The following EPB41 variants were observed in gnomAD, a reference collection of about 807,000 sequenced individuals.
The protein encoded by EPB41 is erythrocyte membrane protein band 4.1.
EPB41 carries 65 observed loss-of-function variants against 108.0 expected under a neutral mutation model. The ratio of observed to expected loss-of-function variants is 0.60; its 90% CI spans 0.49 to 0.74. The LOEUF (loss-of-function observed/expected upper bound fraction) is 0.74, where lower values mean the gene tolerates loss of function less well. Among genes scored for constraint, EPB41 ranks in the 30% least tolerant of loss-of-function variants. The probability of loss-of-function intolerance (pLI) is 0.00; values close to 1 mark genes in which losing one functional copy is unlikely to be tolerated. For missense variants in EPB41, 875 were observed against 1,037.0 expected, an observed-to-expected ratio of 0.84 and a Z score of 2.15; for synonymous variants, 336 against 358.9, an observed-to-expected ratio of 0.94 and a Z score of 0.72.
In EPB41 at chr1:29,000,830, G is replaced by GT. The variant is rs1054624883; in HGVS notation, c.786+3523dup. Among the ~76,000 whole-genome samples the GT allele has an allele frequency of 2.2e-3, 325 of 144,836 alleles. 1 individual carries two copies. The highest frequency in any genetic ancestry group is 4.5e-3 in the African/African-American group (178 of 39,714). The stretch of plus-strand genomic sequence containing the variant: ...CAGAAGTAAGTCAAAACAGAGTGTT[G>GT]TTTTTTTTTTTTAATTTTTATTTTT... On this transcript the variant is annotated intron_variant, in intron 4 of 20. Transcript: ENST00000343067.
intron 7 of EPB41, among the ~76,000 whole-genome samples, chr1:29,019,657 C>T (rs1002754490): frequency 3.3e-5 from 5 of 152,146 alleles, no homozygotes; most frequent in African/African-American, 7.2e-5. Flanking sequence ...AGAGTGGTGT[C>T]GGTAGGCTTG....
chr1:28,940,865 C>A (rs1035287084), intron 1 of EPB41, among the ~76,000 whole-genome samples: 3 of 152,018 alleles, frequency 2.0e-5, no homozygotes, highest in Non-Finnish European at 4.4e-5. Flanking sequence ...ATTAGGATAT[C>A]CATTGTGTTG....
At chr1:29,058,692 G>GT (rs773130501) in intron 13 of EPB41, 47 bp downstream of exon 13, 3 of 1,591,136 alleles carry the variant, frequency 1.9e-6, no homozygotes, top group Non-Finnish European at 2.6e-6. Flanking sequence ...CACCCCCTCA[G>GT]TTTTTTTCTT....
intron 1 of EPB41, among the ~76,000 whole-genome samples, chr1:28,949,903 C>T (rs975034462): frequency 6.6e-6 from 1 of 152,072 alleles, no homozygotes; most frequent in Non-Finnish European, 1.5e-5. Context: ...TGCCTGGCCC[C>T]ACTCTGTTAT....
In EPB41 at chr1:28,987,862, AC is replaced by A; in HGVS notation, c.428del (p.Pro143HisfsTer8). The A allele has an allele frequency of 6.2e-7, 1 of 1,614,164 alleles. No homozygotes were observed. The highest frequency in any genetic ancestry group is 8.5e-7 in the Non-Finnish European group (1 of 1,180,028). ...GCTCCTGAACCGGAACTCAAAACAG[AC>A]CCATCTTTGGATCTTCATTCATTAA... ...IAAPEPELKTDPSLDLHSLSS... is the reference protein window; with the variant it reads ...IAAPEPELKTXPSLDLHSLSS... On this transcript the variant is annotated frameshift_variant, in exon 2 of 21. Coordinates refer to ENST00000343067, the MANE Select transcript of EPB41 (RefSeq NM_001376013.1). LOFTEE classifies it high-confidence loss of function.
chr1:28,965,408 G>C (rs903068290), intron 1 of EPB41, among the ~76,000 whole-genome samples: 2 of 151,952 alleles, frequency 1.3e-5, no homozygotes, highest in East Asian at 1.9e-4. Flanking sequence ...CTGATTTCCT[G>C]TTGGGGTTTA....
At chr1:29,045,778 GC>G (rs1642976647) in intron 11 of EPB41, among the ~76,000 whole-genome samples, 1 of 135,352 alleles carries the variant, frequency 7.4e-6, no homozygotes, top group African/African-American at 2.8e-5. Context: ...TTCAAGACCA[GC>G]CTGGGCAACA....
intron 12 of EPB41, among the ~76,000 whole-genome samples, chr1:29,056,581 A>G (rs1183333662): frequency 1.3e-5 from 2 of 151,952 alleles, no homozygotes; most frequent in South Asian, 2.1e-4. Context: ...GCTGGAGTGC[A>G]ATGGTGCGAT....
intron 1 of EPB41, among the ~76,000 whole-genome samples, chr1:28,904,226 T>G (rs1278651741): frequency 6.7e-6 from 1 of 150,232 alleles, no homozygotes; most frequent in Non-Finnish European, 1.5e-5. Context: ...GGGATCATAA[T>G]GATGGCTGTT....
intron 11 of EPB41, among the ~76,000 whole-genome samples, chr1:29,048,491 G>C (rs1248949344): frequency 6.6e-6 from 1 of 151,990 alleles, no homozygotes; most frequent in African/African-American, 2.4e-5. Context: ...GATTACAGGC[G>C]TGAGCCACCG....
intron 11 of EPB41, among the ~76,000 whole-genome samples, chr1:29,047,519 G>C (rs1643645547): frequency 6.6e-6 from 1 of 151,040 alleles, no homozygotes; most frequent in Non-Finnish European, 1.5e-5. Context: ...TTCTCAAAGT[G>C]CTGGGATTAT....
intron 1 of EPB41, among the ~76,000 whole-genome samples, chr1:28,984,552 A>G (rs1022752498): frequency 3.9e-5 from 6 of 152,298 alleles, no homozygotes; most frequent in Non-Finnish European, 8.8e-5. Flanking sequence ...ATCAATTAGT[A>G]TCATGCATTT....
intron 16 of EPB41, among the ~76,000 whole-genome samples, chr1:29,084,795 G>A (rs1316899293): frequency 1.3e-5 from 2 of 152,132 alleles, no homozygotes; most frequent in African/African-American, 2.4e-5. Context: ...TTATGAAATA[G>A]CCTCATAGTA....
chr1:28,953,551 C>T (rs1369325387), intron 1 of EPB41, among the ~76,000 whole-genome samples: 1 of 152,174 alleles, frequency 6.6e-6, no homozygotes, highest in Non-Finnish European at 1.5e-5. Context: ...CACTGCACTC[C>T]AGTCTGGCTG....
intron 1 of EPB41, among the ~76,000 whole-genome samples, chr1:28,976,104 G>A (rs2095603012): frequency 6.6e-6 from 1 of 152,114 alleles, no homozygotes; most frequent in Non-Finnish European, 1.5e-5. Flanking sequence ...TGAGGTAGAA[G>A]CATCTGAAGT....
rs2096607012 is a variant in EPB41, at chr1:29,018,660, G to T, written c.1124+218G>T. Among the ~76,000 whole-genome samples the T allele has an allele frequency of 6.6e-6, 1 of 152,078 alleles. No individual in the cohort carries two copies. The highest frequency in any genetic ancestry group is 1.5e-5 in the Non-Finnish European group (1 of 68,008). ...CATTGTAGGGTGAAAACTAAATGAG[G>T]TAATATATGTAAAGCACTTAGCACA... On this transcript the variant is annotated intron_variant, in intron 7 of 20. Transcript: ENST00000343067. This position sits in a 1 kb window ranked among gnomAD's most constrained non-coding sequence, Gnocchi z 4.4.
intron 1 of EPB41, among the ~76,000 whole-genome samples, chr1:28,977,955 T>C (rs1243125790): frequency 6.9e-6 from 1 of 145,680 alleles, no homozygotes; most frequent in Non-Finnish European, 1.5e-5. Context: ...TTTTATATTC[T>C]CTTTTTTTTT....
At chr1:28,931,894 T>C (rs904440317) in intron 1 of EPB41, among the ~76,000 whole-genome samples, 1 of 152,226 alleles carries the variant, frequency 6.6e-6, no homozygotes, top group Non-Finnish European at 1.5e-5. Context: ...TCCTTTTAGC[T>C]TGGTGGCCTT....
At chr1:29,057,373 CAAAAAA>C (rs72047998) in intron 12 of EPB41, among the ~76,000 whole-genome samples, 14 of 65,290 alleles carry the variant, frequency 2.1e-4, no homozygotes, top group Admixed American at 4.3e-4. Context: ...GACTCTGTCT[CAAAAAA>C]AAAAAAAAAA....
Sources: allele counts gnomAD v4.1 joint callset (sites outside exome capture counted in the v4.1 genomes callset), GRCh38; gene constraint gnomAD v4.1.1; non-coding constraint Gnocchi (gnomAD v3.1); transcripts MANE v1.5; gene names NCBI Gene and HGNC (gene_info 2026-07-23, HGNC 2026-07-21).